HYCC2: variants seen among roughly 807,000 people sequenced by gnomAD.
The protein encoded by HYCC2 is hyccin PI4KA lipid kinase complex subunit 2.
At chr2:201,019,696 A>C in the HYCC2 span, among the ~76,000 whole-genome samples, 1 of 151,912 alleles carries the variant, frequency 6.6e-6, no homozygotes, top group Admixed American at 6.6e-5. Flanking sequence ...GGTTCAGTCT[A>C]CAGTGAGCTG....
the HYCC2 span, among the ~76,000 whole-genome samples, chr2:200,989,096 AC>A: frequency 6.6e-6 from 1 of 152,226 alleles, no homozygotes; most frequent in African/African-American, 2.4e-5. Flanking sequence ...TTAGCTTTTA[AC>A]AGTAATGAAA....
At chr2:201,036,727 A>G in the HYCC2 span, among the ~76,000 whole-genome samples, 1 of 152,146 alleles carries the variant, frequency 6.6e-6, no homozygotes, top group Admixed American at 6.6e-5. Context: ...AATAAATTAG[A>G]TACTGATGGA....
At chr2:201,024,418 G>A in the HYCC2 span, among the ~76,000 whole-genome samples, 110 of 152,256 alleles carry the variant, frequency 7.2e-4, 1 homozygote, top group African/African-American at 2.6e-3. Context: ...GACCACCGGA[G>A]ATAGAGGCTG....
chr2:201,013,235 G>C, the HYCC2 span, among the ~76,000 whole-genome samples: 2 of 152,034 alleles, frequency 1.3e-5, no homozygotes, highest in Admixed American at 1.3e-4. Flanking sequence ...TTGGGAGGCT[G>C]AGGCAGGCAG....
At chr2:201,041,996 T>A in the HYCC2 span, among the ~76,000 whole-genome samples, 1 of 151,826 alleles carries the variant, frequency 6.6e-6, no homozygotes, top group Non-Finnish European at 1.5e-5. Context: ...ACAGTCTCCC[T>A]CTGATGCCGA....
At chr2:201,023,999 G>T in the HYCC2 span, 2 of 1,613,136 alleles carry the variant, frequency 1.2e-6, no homozygotes, top group Non-Finnish European at 1.7e-6. Flanking sequence ...ACAACGGTCA[G>T]TTCCCAGCAT....
chr2:201,016,804 T>A, the HYCC2 span, among the ~76,000 whole-genome samples: 140 of 152,196 alleles, frequency 9.2e-4, 3 homozygotes, highest in South Asian at 0.028. Flanking sequence ...CTCACCATGT[T>A]GGCCAGGCTG....
At chr2:201,057,165 G>A in the HYCC2 span, among the ~76,000 whole-genome samples, 6 of 152,146 alleles carry the variant, frequency 3.9e-5, no homozygotes, top group African/African-American at 7.2e-5. Flanking sequence ...TGAGTGTTCC[G>A]ATCCTCCAAG....
the HYCC2 span, among the ~76,000 whole-genome samples, chr2:201,035,669 A>C: frequency 6.6e-6 from 1 of 152,212 alleles, no homozygotes; most frequent in East Asian, 1.9e-4. Flanking sequence ...TTGGAGGAGG[A>C]GAGGTGCTCT....
chr2:201,006,180 T>C, the HYCC2 span, among the ~76,000 whole-genome samples: 1 of 143,926 alleles, frequency 6.9e-6, no homozygotes, highest in Non-Finnish European at 1.5e-5. Flanking sequence ...CAGGCTGGAG[T>C]GCACTGGCGT....
the HYCC2 span, among the ~76,000 whole-genome samples, chr2:201,070,221 T>A: frequency 3.3e-5 from 5 of 152,190 alleles, no homozygotes; most frequent in Non-Finnish European, 5.9e-5. Flanking sequence ...AAAATTTTTT[T>A]AAATAAGATA....
chr2:201,068,920 C>CAA, the HYCC2 span, among the ~76,000 whole-genome samples: 1 of 150,712 alleles, frequency 6.6e-6, no homozygotes, highest in Admixed American at 6.6e-5. Context: ...TTCTGGAAAT[C>CAA]AAAAAAAAGA....
the HYCC2 span, among the ~76,000 whole-genome samples, chr2:201,046,740 G>A: frequency 2.0e-5 from 3 of 152,138 alleles, no homozygotes; most frequent in Non-Finnish European, 2.9e-5. Flanking sequence ...AGAACAATGA[G>A]TTTATTAAAC....
At chr2:200,999,552 A>AT in the HYCC2 span, among the ~76,000 whole-genome samples, 96 of 149,830 alleles carry the variant, frequency 6.4e-4, 4 homozygotes, top group South Asian at 2.8e-3. Context: ...CACTTGGCTA[A>AT]TTTTTTTTTG....
the HYCC2 span, chr2:200,974,697 C>T: frequency 6.6e-6 from 1 of 151,876 alleles, no homozygotes; most frequent in Admixed American, 6.6e-5. Flanking sequence ...AAAAACAATA[C>T]ATAAAACCTG....
the HYCC2 span, among the ~76,000 whole-genome samples, chr2:201,046,882 A>G: frequency 6.6e-6 from 1 of 152,212 alleles, no homozygotes; most frequent in Non-Finnish European, 1.5e-5. Context: ...TCTTTCATAT[A>G]CAAAGTCTGG....
the HYCC2 span, among the ~76,000 whole-genome samples, chr2:201,068,951 C>T: frequency 1.3e-5 from 2 of 152,002 alleles, no homozygotes; most frequent in Non-Finnish European, 2.9e-5. Flanking sequence ...CAGACGATGA[C>T]AGACAAAAAA....
the HYCC2 span, chr2:200,979,405 A>G: frequency 6.6e-6 from 1 of 152,460 alleles, no homozygotes; most frequent in Admixed American, 6.6e-5. Flanking sequence ...TTTTCACATG[A>G]GCTGGAAAAA....
chr2:201,039,244 T>G, the HYCC2 span, among the ~76,000 whole-genome samples: 1 of 152,228 alleles, frequency 6.6e-6, no homozygotes, highest in Admixed American at 6.5e-5. Context: ...TGTCTGTCTT[T>G]TCTACTGGAA....
Sources: gnomAD v4.1 joint callset for allele counts (sites outside exome capture counted in the v4.1 genomes callset) on GRCh38, gnomAD v4.1.1 for gene constraint, MANE v1.5 for transcripts, NCBI Gene and HGNC (gene_info 2026-07-23, HGNC 2026-07-21) for gene names.